Variants in ACBD6 observed in about 807,000 individuals in gnomAD.
The protein encoded by ACBD6 is acyl-CoA binding domain containing 6.
Under a neutral mutation model 37.2 loss-of-function variants are expected in ACBD6, and 28 were observed. That is an observed-to-expected ratio of 0.75 (90% CI 0.56 to 1.03). The LOEUF (loss-of-function observed/expected upper bound fraction) is 1.03. Among genes scored for constraint, ACBD6 ranks in the 50% least tolerant of loss-of-function variants. The pLI, the probability that ACBD6 is intolerant of heterozygous loss-of-function variation, is 0.00. For synonymous variants in ACBD6, 113 were observed against 126.8 expected, an observed-to-expected ratio of 0.89 and a Z score of 0.73; for missense variants, 340 against 337.4, an observed-to-expected ratio of 1.01 and a Z score of -0.06.
intron 3 of ACBD6, among the ~76,000 whole-genome samples, chr1:180,446,692 C>T (rs1366891268): frequency 2.0e-5 from 3 of 152,096 alleles, no homozygotes; most frequent in African/African-American, 7.2e-5. Context: ...ACCTGTTTCT[C>T]TTAAAATTAC....
rs190752232 is a variant in ACBD6, at chr1:180,436,014, T to C, written c.385-5752A>G. On this transcript the variant is annotated intron_variant, in intron 3 of 7. Transcript: ENST00000367595. ...GCTACCTTCAGAATTTACTGTATCG[T>C]TTAATGTTGTACGTCTGGAATGCAA... 1.6e-4 allele frequency: 126 copies of C among 779,560 alleles called. No homozygotes were observed. The African/African-American group carries it at 2.0e-3, about 12-fold the overall frequency. The allele number at this position is 779,560 out of a possible 1,614,324, so 48.3% of individuals were successfully genotyped here. A position where few individuals can be genotyped will look rare whatever the true frequency, so the allele number is the denominator to read the frequency against.
At chr1:180,299,561 CTT>C (rs112570140) in intron 7 of ACBD6, among the ~76,000 whole-genome samples, 1 of 147,644 alleles carries the variant, frequency 6.8e-6, no homozygotes, top group African/African-American at 2.5e-5. Flanking sequence ...TAATGAATTT[CTT>C]TTTTTTTTTA....
At chr1:180,286,776 GAAGTT>G (rs1009890674), downstream of ACBD6, among the ~76,000 whole-genome samples, 8 of 152,258 alleles carry the variant, frequency 5.3e-5, no homozygotes, top group East Asian at 1.9e-4. Context: ...CAGAAAATAA[GAAGTT>G]AAGATAGAAA....
rs151273964 is a variant in ACBD6 at position 180,328,375 on chromosome 1, A to G, written c.664-13653T>C. 2.4e-3 allele frequency among the ~76,000 whole-genome samples: 368 copies of G among 152,080 alleles called. 1 individual carries two copies. The highest frequency in any genetic ancestry group is 5.9e-3 in the African/African-American group (244 of 41,524). ...GTATATATACAGGCAATGTATATAT[A>G]CACACATATATATTCCAAGTGGAAA... is the stretch of plus-strand genomic sequence containing the variant. On this transcript the variant is annotated intron_variant, in intron 6 of 7. Transcript: ENST00000367595.
At chr1:180,293,095 T>A (rs1649779268) in intron 7 of ACBD6, among the ~76,000 whole-genome samples, 1 of 152,208 alleles carries the variant, frequency 6.6e-6, no homozygotes, top group South Asian at 2.1e-4. Flanking sequence ...TTTATTAACC[T>A]TTTTGTATTT....
At chr1:180,423,077 T>C (rs1648439266) in intron 4 of ACBD6, among the ~76,000 whole-genome samples, 2 of 152,202 alleles carry the variant, frequency 1.3e-5, no homozygotes, top group Non-Finnish European at 2.9e-5. Flanking sequence ...CATTTTATGG[T>C]AGTAAATGAA....
rs56989190 is a variant in ACBD6, at chr1:180,363,686, A to AAGCAGG, written c.663+33824_663+33829dup. 1.6e-4 allele frequency among the ~76,000 whole-genome samples: 4 copies of AAGCAGG among 25,312 alleles called. 1 individual carries two copies. The South Asian group carries it at 0.025, about 158-fold the overall frequency. 16.6% of individuals were successfully genotyped at this position (25,312 alleles called of 152,430 possible). On this transcript the variant is annotated intron_variant, in intron 6 of 7. Coordinates refer to ENST00000367595, the MANE Select transcript of ACBD6 (RefSeq NM_032360.4). ...CAGAGTTAACCTTGCCAATCAGAGT[A>AAGCAGG]AGCAGGAGCAGGAGCAGGAGCAGGA...
chr1:180,480,881 A>G (rs1384890158), intron 3 of ACBD6, among the ~76,000 whole-genome samples: 1 of 152,072 alleles, frequency 6.6e-6, no homozygotes, highest in African/African-American at 2.4e-5. Context: ...AAATACAAAA[A>G]TTAACTGGGC....
At chr1:180,284,035 C>T (rs149440015), downstream of ACBD6, among the ~76,000 whole-genome samples, 91 of 152,228 alleles carry the variant, frequency 6.0e-4, no homozygotes, top group African/African-American at 2.1e-3. Flanking sequence ...GCGAAGTGAT[C>T]CATACAAAAA....
intron 6 of ACBD6, among the ~76,000 whole-genome samples, chr1:180,368,196 G>A (rs1333450099): frequency 6.6e-6 from 1 of 151,924 alleles, no homozygotes; most frequent in African/African-American, 2.4e-5. Context: ...TTCTTTTGAA[G>A]TGTCTGTCCC....
intron 3 of ACBD6, among the ~76,000 whole-genome samples, chr1:180,467,472 A>C (rs4350170): frequency 0.71 from 81,034 of 113,892 alleles, 29,208 homozygotes; most frequent in East Asian, 0.95. Flanking sequence ...AAAAAAAAAA[A>C]CAAAAACAAA....
chr1:180,443,540 T>TC (rs1363513879), intron 3 of ACBD6, among the ~76,000 whole-genome samples: 1 of 152,052 alleles, frequency 6.6e-6, no homozygotes, highest in Non-Finnish European at 1.5e-5. Context: ...CATTTTGGGA[T>TC]CCCCCTCCTT....
rs1333393824 is a variant in ACBD6 at position 180,397,527 on chromosome 1, T to A, written c.652A>T (p.Ile218Phe). 6.2e-7 allele frequency: 1 copy of A among 1,613,696 alleles called. No homozygotes were observed. Among genetic ancestry groups the A allele is most frequent in the Non-Finnish European group, 8.5e-7 (1 of 1,179,584 alleles). The change falls in exon 6 of 8, where the codon ATT becomes TTT. Residue 218 changes from isoleucine (I) to phenylalanine (F), a missense_variant. Ile to Phe is a conservative substitution (Grantham distance 21). Transcript: ENST00000367595. ...VTVLLQHRAD[I>F]NCQDNEGQTA... Reference sequence around the variant, plus strand: ...TTTATCACTCTTACCTGACAGTTAATGTCAGCTCTATGTTGCAGCAACACT... The same window carrying A: ...TTTATCACTCTTACCTGACAGTTAAAGTCAGCTCTATGTTGCAGCAACACT...
Position 180,434,306 on chromosome 1 carries a change from T to C in ACBD6, c.385-4044A>G, listed in dbSNP as rs889719468. Among the ~76,000 whole-genome samples the C allele has an allele frequency of 8.4e-4, 128 of 152,314 alleles. 1 individual carries two copies. The highest frequency in any genetic ancestry group is 2.9e-3 in the African/African-American group (121 of 41,560). On this transcript the variant is annotated intron_variant, in intron 3 of 7. Transcript: ENST00000367595. Reference sequence around the variant, plus strand: ...GCATCACATGACAGAGAGCAGACCCTGGAAGAAATCAAAATATCTTATCCC... The same window carrying C: ...GCATCACATGACAGAGAGCAGACCCCGGAAGAAATCAAAATATCTTATCCC...
chr1:180,429,284 C>G (rs1648720679), intron 4 of ACBD6, among the ~76,000 whole-genome samples: 1 of 152,160 alleles, frequency 6.6e-6, no homozygotes, highest in Admixed American at 6.5e-5. Context: ...TTTACTGTCT[C>G]TCTGATTTTT....
intron 6 of ACBD6, among the ~76,000 whole-genome samples, chr1:180,382,443 T>C (rs1180976824): frequency 1.3e-5 from 2 of 151,794 alleles, no homozygotes; most frequent in African/African-American, 2.4e-5. Flanking sequence ...ATAAAAAAAC[T>C]AGAAAACCTA....
rs529314395 is a variant in ACBD6 at position 180,463,775 on chromosome 1, T to C, written c.384+28494A>G. Among the ~76,000 whole-genome samples, 5 of 152,248 alleles carry C rather than the reference T, an allele frequency of 3.3e-5. 1 individual carries two copies. In the South Asian group the frequency reaches 1.0e-3, roughly 32 times the overall value. On this transcript the variant is annotated intron_variant, in intron 3 of 7. Coordinates refer to ENST00000367595, the MANE Select transcript of ACBD6 (RefSeq NM_032360.4). ...ACAAAAAAAGAAAATTTCAGGCCAA[T>C]ATCCTCGATGAACATCAGTGCAAAA...
intron 3 of ACBD6, among the ~76,000 whole-genome samples, chr1:180,490,479 CA>C (rs35208205): frequency 1.0e-3 from 136 of 135,142 alleles, no homozygotes; most frequent in East Asian, 2.9e-3. Context: ...CCTATCTCTA[CA>C]AAAAAAAAAA....
chr1:180,308,736 G>A lies in ACBD6; in HGVS notation c.694+5956C>T, dbSNP rs530741429. Among the ~76,000 whole-genome samples the A allele has an allele frequency of 6.6e-5, 10 of 152,244 alleles. No individual in the cohort carries two copies. The South Asian group carries it at 8.3e-4, about 13-fold the overall frequency. On this transcript the variant is annotated intron_variant, in intron 7 of 7. Transcript: ENST00000367595. ...TCAAGAGGTCTTATTTCCAGGTTGC[G>A]TTGGCATTGAAATCCAAGCTCAGAG... is the stretch of plus-strand genomic sequence containing the variant.
Sources: gnomAD v4.1 joint callset for allele counts (sites outside exome capture counted in the v4.1 genomes callset) on GRCh38, gnomAD v4.1.1 for gene constraint, MANE v1.5 for transcripts, NCBI Gene and HGNC (gene_info 2026-07-23, HGNC 2026-07-21) for gene names.